Variants in GATA3 observed in about 807,000 individuals in gnomAD.
GATA3 encodes GATA binding protein 3, also known as trans-acting T-cell-specific transcription factor GATA-3.
GATA3 carries 6 observed loss-of-function variants against 36.0 expected under a neutral mutation model. The observed-to-expected ratio is 0.17, with a 90% CI of 0.09 to 0.33. GATA3 has a LOEUF of 0.33. GATA3 is among the 10% of genes least tolerant of loss of function. The pLI is 1.00. For synonymous variants in GATA3, 326 were observed against 273.0 expected, an observed-to-expected ratio of 1.19 and a Z score of -1.92; for missense variants, 514 against 610.1, an observed-to-expected ratio of 0.84 and a Z score of 1.66.
At chr10:8,056,357 C>T (rs1406217253) in intron 2 of GATA3, among the ~76,000 whole-genome samples, 1 of 145,188 alleles carries the variant, frequency 6.9e-6, no homozygotes, top group African/African-American at 2.5e-5. Context: ...TCTTTCTAGG[C>T]GGGTGGGCGG....
chr10:8,048,422 C>T (rs954768379), intron 1 of GATA3, among the ~76,000 whole-genome samples: 1 of 152,214 alleles, frequency 6.6e-6, no homozygotes, highest in Non-Finnish European at 1.5e-5. Flanking sequence ...GGGCCGGAGT[C>T]CTGGGTGCTA....
At chr10:8,068,647 G>C (rs1294379533) in intron 4 of GATA3, among the ~76,000 whole-genome samples, 2 of 152,194 alleles carry the variant, frequency 1.3e-5, no homozygotes, top group African/African-American at 4.8e-5. Flanking sequence ...CAGCTACTCG[G>C]GAGTGTGAGG....
chr10:8,059,737 A>G (rs1397949694), intron 3 of GATA3, among the ~76,000 whole-genome samples: 1 of 152,202 alleles, frequency 6.6e-6, no homozygotes, highest in Non-Finnish European at 1.5e-5. Context: ...CCCACACAAA[A>G]TACTTTGGCT....
At chr10:8,068,718 A>C (rs1832884391) in intron 4 of GATA3, among the ~76,000 whole-genome samples, 1 of 152,196 alleles carries the variant, frequency 6.6e-6, no homozygotes, top group South Asian at 2.1e-4. Flanking sequence ...GCACCACTGC[A>C]CTCCAGCCTG....
chr10:8,072,251 C>T (rs1588390451), intron 5 of GATA3, among the ~76,000 whole-genome samples: 1 of 152,210 alleles, frequency 6.6e-6, no homozygotes, highest in Non-Finnish European at 1.5e-5. Flanking sequence ...TTGAATTCTT[C>T]CTTTCTTAGC....
At chr10:8,058,190 C>A in intron 2 of GATA3, 115 bp from the exon 3 acceptor site, 1 of 1,189,976 alleles carries the variant, frequency 8.4e-7, no homozygotes. Flanking sequence ...TGAGCCCGGG[C>A]TTTTGCTGAA....
At chr10:8,051,833 C>T (rs1832501162), upstream of GATA3, among the ~76,000 whole-genome samples, 1 of 151,878 alleles carries the variant, frequency 6.6e-6, no homozygotes, top group African/African-American at 2.4e-5. Flanking sequence ...CGGCGCCTGG[C>T]CTGGCCCGGA....
chr10:8,064,268 G>GTTTTT, intron 4 of GATA3, 130 bp downstream of exon 4: 11 of 637,836 alleles, frequency 1.7e-5, no homozygotes, highest in Admixed American at 7.2e-5. Context: ...GCTTGGGACA[G>GTTTTT]TTTTTTTTTT....
chr10:8,051,011 G>T (rs577660653), upstream of GATA3: 4 of 514,854 alleles, frequency 7.8e-6, no homozygotes, highest in African/African-American at 3.9e-5. Flanking sequence ...GCCCGGCCGC[G>T]AGCATCTCCG....
intron 4 of GATA3, among the ~76,000 whole-genome samples, chr10:8,064,784 G>C (rs10752126): frequency 0.53 from 80,299 of 152,138 alleles, 22,191 homozygotes; most frequent in East Asian, 0.71. Context: ...CGTCGTGTGA[G>C]TCCTCTCATA....
At chr10:8,048,367 G>A (rs562743261) in intron 1 of GATA3, among the ~76,000 whole-genome samples, 76 of 152,338 alleles carry the variant, frequency 5.0e-4, no homozygotes, top group African/African-American at 1.8e-3. Flanking sequence ...GCCAAGCCTT[G>A]AAATGGGTGA....
At chr10:8,053,196 G>A (rs1192146129), upstream of GATA3, 2 of 152,178 alleles carry the variant, frequency 1.3e-5, no homozygotes, top group Admixed American at 6.5e-5. The surrounding 1 kb of genome is among the most constrained non-coding windows in gnomAD (Gnocchi z 5.1). Context: ...TTTCAGGGAC[G>A]GCTTCTTCTA....
intron 4 of GATA3, among the ~76,000 whole-genome samples, chr10:8,067,732 G>GGT (rs1359838988): frequency 6.6e-6 from 1 of 152,158 alleles, no homozygotes; most frequent in Non-Finnish European, 1.5e-5. Context: ...GCAGGAGAAT[G>GGT]GTGTGAACCC....
At position 8,054,778 on chromosome 10, in the gene GATA3, G is replaced by C. The variant is rs896301074; in HGVS notation, c.-483G>C. ...AAAAAAATACTGAGAGAGGGAGAGA[G>C]AGAGAGAAGAAGAGAGAGAGACGGA... On this transcript the variant is annotated 5_prime_UTR_variant, in exon 1 of 6. Coordinates refer to ENST00000379328, the MANE Select transcript of GATA3 (RefSeq NM_001002295.2). The surrounding 1 kb of genome is among the most constrained non-coding windows in gnomAD (Gnocchi z 4.2). The C allele has an allele frequency of 6.6e-6, 1 of 151,228 alleles. No homozygotes were observed. Among genetic ancestry groups the C allele is most frequent in the Non-Finnish European group, 1.5e-5 (1 of 67,868 alleles). 9.4% of individuals were successfully genotyped at this position (151,228 alleles called of 1,614,324 possible).
In GATA3 at chr10:8,055,905, G is replaced by C. The variant is rs753449980; in HGVS notation, c.241+9G>C. 2 of 1,553,148 alleles carry C rather than the reference G, an allele frequency of 1.3e-6. No homozygotes were observed. Among genetic ancestry groups the C allele is most frequent in the Admixed American group, 3.9e-5 (2 of 51,454 alleles). On this transcript the variant is annotated intron_variant, in intron 2 of 5. Transcript: ENST00000379328. The surrounding 1 kb of genome is among the most constrained non-coding windows in gnomAD (Gnocchi z 5.4). Reference sequence around the variant, plus strand: ...CCCTCCGACCCACCACGGTGAGTGCGCCCGGGGTGCCGGGGCTCCCGCCGG... The same window carrying C: ...CCCTCCGACCCACCACGGTGAGTGCCCCCGGGGTGCCGGGGCTCCCGCCGG...
chr10:8,071,549 C>T (rs545460421), intron 5 of GATA3, among the ~76,000 whole-genome samples: 3 of 152,182 alleles, frequency 2.0e-5, no homozygotes, highest in African/African-American at 7.2e-5. Flanking sequence ...CTGAGGAATC[C>T]TCTCCATGGC....
At position 8,055,347 on chromosome 10, in the gene GATA3, C is replaced by A. The variant is rs1377030448; in HGVS notation, c.-309C>A. On this transcript the variant is annotated 5_prime_UTR_variant, in exon 2 of 6. Coordinates refer to ENST00000379328, the MANE Select transcript of GATA3 (RefSeq NM_001002295.2). This position sits in a 1 kb window ranked among gnomAD's most constrained non-coding sequence, Gnocchi z 5.4. ...AGGACCCCGGTGCAGAGGAGCCTGG[C>A]TCGCAGAATTGCAGAGTCGTCGCCC... 2.0e-6 allele frequency: 1 copy of A among 490,734 alleles called. No homozygotes were observed. The highest frequency in any genetic ancestry group is 3.8e-5 in the East Asian group (1 of 26,634). The allele number at this position is 490,734 out of a possible 1,614,324, so 30.4% of individuals were successfully genotyped here. A position where few individuals can be genotyped will look rare whatever the true frequency, so the allele number is the denominator to read the frequency against.
chr10:8,063,168 TCTC>T (rs1202472100), intron 3 of GATA3, among the ~76,000 whole-genome samples: 2 of 152,138 alleles, frequency 1.3e-5, no homozygotes, highest in African/African-American at 2.4e-5. Context: ...ACTTGCCTCT[TCTC>T]CTGATCTTCC....
chr10:8,073,954 G>A lies in GATA3; in HGVS notation c.1266G>A (p.Pro422=), dbSNP rs541782074. The change falls in exon 6 of 6, where the codon CCG becomes CCA. Residue 422 remains proline (P), a synonymous_variant. Coordinates refer to ENST00000379328, the MANE Select transcript of GATA3 (RefSeq NM_001002295.2). ...GCCACATGCTGACCACGCCCACGCC[G>A]ATGCACCCGCCATCCAGCCTGTCCT... The part of the protein sequence containing the change: ...HSSHMLTTPT[P]MHPPSSLSFG... The A allele has an allele frequency of 2.0e-5, 32 of 1,614,040 alleles. No homozygotes were observed. Among genetic ancestry groups the A allele is most frequent in the South Asian group, 7.7e-5 (7 of 91,074 alleles).
Sources: gnomAD v4.1 joint callset for allele counts (sites outside exome capture counted in the v4.1 genomes callset) on GRCh38, gnomAD v4.1.1 for gene constraint, Gnocchi (gnomAD v3.1) non-coding constraint, MANE v1.5 for transcripts, NCBI Gene and HGNC (gene_info 2026-07-23, HGNC 2026-07-21) for gene names.